The following EYS variants were observed in gnomAD, a reference collection of about 807,000 sequenced individuals.
EYS encodes EGF-like photoreceptor maintenance factor.
EYS carries 250 observed loss-of-function variants against 282.1 expected under a neutral mutation model. The ratio of observed to expected loss-of-function variants is 0.89; its 90% confidence interval spans 0.80 to 0.98. The LOEUF is 0.98. Among genes scored for constraint, EYS ranks in the 50% least tolerant of loss-of-function variants. The pLI, the probability that EYS is intolerant of heterozygous loss-of-function variation, is 0.00. For synonymous variants in EYS, 1,355 were observed against 1,282.9 expected, an observed-to-expected ratio of 1.06 and a Z score of -1.20; for missense variants, 4,016 against 3,709.0, an observed-to-expected ratio of 1.08 and a Z score of -2.15.
rs1420106104 is a variant in EYS at position 64,950,792 on chromosome 6, CATATACATATATATATAT to C, written c.2260-4896_2260-4879del. The stretch of plus-strand genomic sequence containing the variant: ...TGAATAAAAAATATATACACATATA[CATATACATATATATATAT>C]ATATATATATATATATATATATATT... On this transcript the variant is annotated intron_variant, in intron 14 of 42. Transcript: ENST00000503581. Among the ~76,000 whole-genome samples the C allele has an allele frequency of 9.5e-4, 58 of 60,922 alleles. 3 individuals are homozygous for C. Among genetic ancestry groups the C allele is most frequent in the African/African-American group, 3.6e-3 (50 of 14,012 alleles). The allele number at this position is 60,922 out of a possible 152,430, so 40.0% of individuals were successfully genotyped here. A position where few individuals can be genotyped will look rare whatever the true frequency, so the allele number is the denominator to read the frequency against.
intron 26 of EYS, among the ~76,000 whole-genome samples, chr6:64,519,255 T>C (rs2150524476): frequency 6.6e-6 from 1 of 151,772 alleles, no homozygotes; most frequent in South Asian, 2.1e-4. Flanking sequence ...CGAGGGATTA[T>C]GAGTGGCCAA....
In EYS at chr6:64,487,833, A is replaced by G. The variant is rs78260469; in HGVS notation, c.5645-48481T>C. Among the ~76,000 whole-genome samples, 294 of 151,218 alleles carry G rather than the reference A, an allele frequency of 1.9e-3. 1 individual carries two copies. The highest frequency in any genetic ancestry group is 3.0e-3 in the Non-Finnish European group (204 of 67,342). ...TGAGTATTTACTATGTGTTAGTGCT[A>G]GAAGTCAAAACCAATAGAAATATAA... is the stretch of plus-strand genomic sequence containing the variant. On this transcript the variant is annotated intron_variant, in intron 26 of 42. Coordinates refer to ENST00000503581, the MANE Select transcript of EYS (RefSeq NM_001142800.2).
intron 14 of EYS, among the ~76,000 whole-genome samples, chr6:64,977,506 C>T (rs1230400546): frequency 6.6e-6 from 1 of 151,694 alleles, no homozygotes; most frequent in Non-Finnish European, 1.5e-5. Flanking sequence ...ATTAATAACC[C>T]TACAATGACC....
At chr6:64,060,833 G>A (rs1020796689) in intron 33 of EYS, among the ~76,000 whole-genome samples, 1 of 152,072 alleles carries the variant, frequency 6.6e-6, no homozygotes, top group African/African-American at 2.4e-5. Flanking sequence ...ATATGTTTGG[G>A]TTTTAGCAAA....
intron 28 of EYS, among the ~76,000 whole-genome samples, chr6:64,409,030 A>G (rs1453597378): frequency 6.6e-6 from 1 of 152,096 alleles, no homozygotes; most frequent in Non-Finnish European, 1.5e-5. Flanking sequence ...CTCACTTATA[A>G]GTGAGAACAT....
chr6:63,744,969 C>A, intron 41 of EYS: 2 of 429,460 alleles, frequency 4.7e-6, no homozygotes, highest in Non-Finnish European at 9.2e-6. Flanking sequence ...TGAAAACCAC[C>A]AAAAATGTTG....
chr6:65,048,023 T>C (rs1280558330), intron 13 of EYS, among the ~76,000 whole-genome samples: 1 of 151,942 alleles, frequency 6.6e-6, no homozygotes, highest in Non-Finnish European at 1.5e-5. Flanking sequence ...GGCTCCCATT[T>C]GCCAAACTCA....
chr6:65,037,444 C>T (rs1358874706), intron 13 of EYS, among the ~76,000 whole-genome samples: 1 of 151,742 alleles, frequency 6.6e-6, no homozygotes, highest in Admixed American at 6.6e-5. Flanking sequence ...TATACCTGCA[C>T]ATGTACCTTC....
chr6:65,101,618 T>C (rs767343334), intron 12 of EYS, among the ~76,000 whole-genome samples: 2 of 151,296 alleles, frequency 1.3e-5, no homozygotes, highest in Non-Finnish European at 3.0e-5. Context: ...ACTTACTTCT[T>C]GGTTTGTGAG....
At chr6:65,613,954 C>G (rs1766093588) in intron 2 of EYS, among the ~76,000 whole-genome samples, 1 of 151,778 alleles carries the variant, frequency 6.6e-6, no homozygotes, top group Non-Finnish European at 1.5e-5. Context: ...AAGTTGGAAA[C>G]TTTTGCATAC....
At chr6:64,495,746 CT>C (rs1441509335) in intron 26 of EYS, among the ~76,000 whole-genome samples, 1 of 151,734 alleles carries the variant, frequency 6.6e-6, no homozygotes, top group East Asian at 1.9e-4. Context: ...TTGTATTTTT[CT>C]TTTTATTTTG....
At chr6:64,208,302 C>T (rs965733418) in intron 31 of EYS, among the ~76,000 whole-genome samples, 1 of 151,940 alleles carries the variant, frequency 6.6e-6, no homozygotes, top group African/African-American at 2.4e-5. Context: ...CTTTTAAAGC[C>T]ATTTATGTAT....
intron 11 of EYS, among the ~76,000 whole-genome samples, chr6:65,301,613 T>G (rs1933048530): frequency 6.6e-6 from 1 of 152,218 alleles, no homozygotes. Context: ...GGAGCTTGTC[T>G]CAAACTCCAC....
chr6:64,720,229 G>A (rs1040952879), intron 22 of EYS, among the ~76,000 whole-genome samples: 1 of 152,098 alleles, frequency 6.6e-6, no homozygotes, highest in Non-Finnish European at 1.5e-5. Flanking sequence ...CAGCAGTGCA[G>A]CATCTTCACA....
Position 64,685,950 on chromosome 6 carries a change from T to C in EYS, c.3444-59705A>G, listed in dbSNP as rs115577559. Among the ~76,000 whole-genome samples the C allele has an allele frequency of 6.9e-3, 1,054 of 152,202 alleles. 4 individuals are homozygous for C. Among genetic ancestry groups the C allele is most frequent in the Non-Finnish European group, 9.2e-3 (626 of 68,012 alleles). Reference sequence around the variant, plus strand: ...AGTTTGAAATCTTATAGAGTATGTTTTCTGACCATGATAAACTCAATGGAA... The same window carrying C: ...AGTTTGAAATCTTATAGAGTATGTTCTCTGACCATGATAAACTCAATGGAA... On this transcript the variant is annotated intron_variant, in intron 22 of 42. Coordinates refer to ENST00000503581, the MANE Select transcript of EYS (RefSeq NM_001142800.2).
intron 22 of EYS, among the ~76,000 whole-genome samples, chr6:64,658,436 T>A (rs1269579808): frequency 6.6e-6 from 1 of 152,234 alleles, no homozygotes; most frequent in Non-Finnish European, 1.5e-5. Context: ...CTCTGATTTT[T>A]AGAGTTTCCA....
At chr6:65,256,168 A>G (rs947581539) in intron 12 of EYS, among the ~76,000 whole-genome samples, 3 of 152,052 alleles carry the variant, frequency 2.0e-5, no homozygotes, top group African/African-American at 7.2e-5. Flanking sequence ...ATTCAGTCAT[A>G]AAAAAGAATG....
At chr6:65,587,395 C>T (rs1277354795) in intron 2 of EYS, among the ~76,000 whole-genome samples, 3 of 151,998 alleles carry the variant, frequency 2.0e-5, no homozygotes, top group Non-Finnish European at 4.4e-5. Context: ...ATCGTGGGGG[C>T]CATGTCCCCA....
intron 26 of EYS, among the ~76,000 whole-genome samples, chr6:64,588,606 T>C (rs921806271): frequency 2.0e-5 from 3 of 152,066 alleles, no homozygotes; most frequent in African/African-American, 7.2e-5. Flanking sequence ...TACCTCTGTC[T>C]CTTTAGGCCC....
Sources: gnomAD v4.1 joint callset for allele counts (sites outside exome capture counted in the v4.1 genomes callset) on GRCh38, gnomAD v4.1.1 for gene constraint, MANE v1.5 for transcripts, NCBI Gene and HGNC (gene_info 2026-07-23, HGNC 2026-07-21) for gene names.